The following MRC1 variants were observed in gnomAD, a reference collection of about 807,000 sequenced individuals.
MRC1 encodes mannose receptor C-type 1, also known as macrophage mannose receptor 1.
Under a neutral mutation model 102.9 loss-of-function variants are expected in MRC1, and 62 were observed. The ratio of observed to expected loss-of-function variants is 0.60; its 90% CI spans 0.49 to 0.74. The LOEUF (loss-of-function observed/expected upper bound fraction) is 0.74. Ranked by LOEUF, MRC1 falls within the 30% of genes least tolerant of loss-of-function variation. The pLI is 0.00. For synonymous variants in MRC1, 457 were observed against 298.4 expected (o/e 1.53, Z -5.48); for missense variants, 1,237 against 862.8 (o/e 1.43, Z -5.43).
Position 17,870,944 on chromosome 10 carries a change from T to G in MRC1, c.2199+9T>G, listed in dbSNP as rs2130676303. ...GGAGTGATGGTTCTCCTGTGAGTAA[T>G]TTTACTTACTATATAACTTTCTTAC... On this transcript the variant is annotated intron_variant, in intron 14 of 29. Transcript: ENST00000569591. 1 of 871,062 alleles carries G rather than the reference T, an allele frequency of 1.1e-6. No homozygotes were observed. Among genetic ancestry groups the G allele is most frequent in the East Asian group, 2.4e-5 (1 of 41,672 alleles). The allele number at this position is 871,062 out of a possible 1,614,324, so 54.0% of individuals were successfully genotyped here. A position where few individuals can be genotyped will look rare whatever the true frequency, so the allele number is the denominator to read the frequency against.
At chr10:17,869,430 G>A (rs1048773134) in intron 12 of MRC1, among the ~76,000 whole-genome samples, 1 of 152,086 alleles carries the variant, frequency 6.6e-6, no homozygotes, top group Admixed American at 6.5e-5. Context: ...TAGTGCCTTG[G>A]AAGCAAATTT....
intron 22 of MRC1, among the ~76,000 whole-genome samples, chr10:17,891,150 T>TATTG (rs1312514390): frequency 2.7e-5 from 4 of 148,396 alleles, no homozygotes; most frequent in African/African-American, 7.5e-5. Flanking sequence ...TTTATTTATT[T>TATTG]ATTTATTTAT....
At chr10:17,825,033 G>A (rs1838452341) in intron 2 of MRC1, among the ~76,000 whole-genome samples, 1 of 151,930 alleles carries the variant, frequency 6.6e-6, no homozygotes, top group South Asian at 2.1e-4. Context: ...TGAAGACCCG[G>A]GTGATTCTGT....
Position 17,872,193 on chromosome 10 carries a change from T to C in MRC1, c.2344+67T>C, listed in dbSNP as rs2130678007. On this transcript the variant is annotated intron_variant, in intron 15 of 29. Transcript: ENST00000569591. ...TAACCTCCTGACACCCCAGAATCTT[T>C]CCTTTATTAGCAGAAGCAAACAAAC... The C allele has an allele frequency of 5.1e-6, 4 of 778,546 alleles. No homozygotes were observed. In the East Asian group the frequency reaches 9.7e-5, roughly 19 times the overall value. The allele number at this position is 778,546 out of a possible 1,614,324, so 48.2% of individuals were successfully genotyped here.
At chr10:17,891,815 C>T (rs1833680644) in intron 22 of MRC1, among the ~76,000 whole-genome samples, 1 of 152,134 alleles carries the variant, frequency 6.6e-6, no homozygotes, top group African/African-American at 2.4e-5. Flanking sequence ...GAAATAATGT[C>T]AGAGAGGCAC....
rs200955948 is a variant in MRC1, at chr10:17,909,281, TA to T, written c.4079-22del. 4.5e-4 allele frequency: 380 copies of T among 847,422 alleles called. 1 individual carries two copies. The African/African-American group carries it at 5.5e-3, about 12-fold the overall frequency. The allele number at this position is 847,422 out of a possible 1,614,324, so 52.5% of individuals were successfully genotyped here. On this transcript the variant is annotated intron_variant, in intron 28 of 29. Coordinates refer to ENST00000569591, the MANE Select transcript of MRC1 (RefSeq NM_002438.4). ...TACCTGCAATTATTCTGGGTTTTTA[TA>T]AATTTTTTTTTTTTTACACACAGTT...
At chr10:17,899,827 G>A (rs1235417646) in intron 24 of MRC1, among the ~76,000 whole-genome samples, 2 of 151,980 alleles carry the variant, frequency 1.3e-5, no homozygotes, top group Non-Finnish European at 2.9e-5. Flanking sequence ...GGCCAGGCAC[G>A]GTGGCTCACG....
chr10:17,860,548 C>T (rs931634978), intron 9 of MRC1, among the ~76,000 whole-genome samples: 41 of 152,098 alleles, frequency 2.7e-4, no homozygotes, highest in African/African-American at 8.9e-4. Context: ...AAAGTGCTGG[C>T]GTTACAGGCA....
At chr10:17,879,861 G>A (rs1833489542) in intron 19 of MRC1, 40 bp downstream of exon 19, 1 of 780,670 alleles carries the variant, frequency 1.3e-6, no homozygotes, top group African/African-American at 1.7e-5. Context: ...TTGTGGCGTG[G>A]CGTGTCATTT....
chr10:17,856,501 C>T, intron 9 of MRC1, 149 bp downstream of exon 9: 1 of 654,906 alleles, frequency 1.5e-6, no homozygotes, highest in South Asian at 1.9e-5. Context: ...TAGTGTTGAT[C>T]TCACTGTTCT....
Position 17,827,585 on chromosome 10 carries a change from A to C in MRC1, c.507A>C (p.Ala169=). Residue 169 remains alanine, a synonymous_variant, in exon 3 of 30, where the codon GCA becomes GCC. Transcript: ENST00000569591. ...LLGNANGATC[A]FPFKFENKWY... ...GCAATGCCAATGGAGCAACCTGTGCATTCCCGTTCAAGTTTGAAAACAAGT... is the reference window on the plus strand; with the variant it reads ...GCAATGCCAATGGAGCAACCTGTGCCTTCCCGTTCAAGTTTGAAAACAAGT... The C allele has an allele frequency of 1.3e-6, 1 of 780,830 alleles. No homozygotes were observed. 48.4% of individuals were successfully genotyped at this position (780,830 alleles called of 1,614,324 possible).
chr10:17,815,572 C>T (rs1478220915), intron 1 of MRC1, among the ~76,000 whole-genome samples: 4 of 151,960 alleles, frequency 2.6e-5, no homozygotes, highest in South Asian at 4.2e-4. Context: ...GACTTGGGAG[C>T]GAATGGCCCC....
intron 1 of MRC1, among the ~76,000 whole-genome samples, chr10:17,812,282 T>C (rs1288363084): frequency 2.0e-5 from 3 of 152,076 alleles, no homozygotes; most frequent in African/African-American, 4.8e-5. Flanking sequence ...TCCAGCTCAG[T>C]TGGGTTATAA....
Position 17,809,436 on chromosome 10 carries a change from T to C in MRC1, c.-30T>C, listed in dbSNP as rs1838189234. On this transcript the variant is annotated 5_prime_UTR_variant, in exon 1 of 30. Transcript: ENST00000569591. ...CGTCTTAGTTCCGCCCTCCTGTCCA[T>C]CAGGAGAAGGAAAGGATAAACCCTG... 5.7e-6 allele frequency: 5 copies of C among 872,410 alleles called. No homozygotes were observed. The highest frequency in any genetic ancestry group is 5.1e-5 in the Admixed American group (3 of 59,134). 54.0% of individuals were successfully genotyped at this position (872,410 alleles called of 1,614,324 possible).
At chr10:17,908,515 T>C (rs1452953400) in intron 28 of MRC1, among the ~76,000 whole-genome samples, 1 of 152,082 alleles carries the variant, frequency 6.6e-6, no homozygotes, top group Non-Finnish European at 1.5e-5. Flanking sequence ...CTTCTCTAAC[T>C]GTTCTAAGAC....
chr10:17,823,642 T>C (rs1838431488), intron 2 of MRC1, among the ~76,000 whole-genome samples, 167 bp downstream of exon 2: 1 of 152,224 alleles, frequency 6.6e-6, no homozygotes, highest in South Asian at 2.1e-4. Context: ...GAGGACATGA[T>C]GGTGAATAAA....
Position 17,832,445 on chromosome 10 carries a change from C to G in MRC1, c.638-1230C>G, listed in dbSNP as rs1382344958. 2.0e-5 allele frequency among the ~76,000 whole-genome samples: 3 copies of G among 150,248 alleles called. No individual in the cohort carries two copies. In the East Asian group the frequency reaches 5.9e-4, roughly 30 times the overall value. On this transcript the variant is annotated intron_variant, in intron 3 of 29. Coordinates refer to ENST00000569591, the MANE Select transcript of MRC1 (RefSeq NM_002438.4). Reference sequence around the variant, plus strand: ...CGGCGTGTGCCTGTCGTCCCAGCTGCTGGGGAGGCTGAGGCAGGAGAATGG... The same window carrying G: ...CGGCGTGTGCCTGTCGTCCCAGCTGGTGGGGAGGCTGAGGCAGGAGAATGG...
chr10:17,888,779 G>A (rs1473292405), intron 22 of MRC1, among the ~76,000 whole-genome samples: 2 of 152,120 alleles, frequency 1.3e-5, no homozygotes, highest in African/African-American at 4.8e-5. Context: ...AATGAGATCT[G>A]GTTGATTGTT....
chr10:17,910,326 A>C lies in MRC1; in HGVS notation c.4232A>C (p.Tyr1411Ser). 1 of 780,834 alleles carries C rather than the reference A, an allele frequency of 1.3e-6. No individual in the cohort carries two copies. Among genetic ancestry groups the C allele is most frequent in the Non-Finnish European group, 2.4e-6 (1 of 417,944 alleles). The allele number at this position is 780,834 out of a possible 1,614,324, so 48.4% of individuals were successfully genotyped here. A position where few individuals can be genotyped will look rare whatever the true frequency, so the allele number is the denominator to read the frequency against. ...GCTGGCCTTGCCGCCTATTTCTTTT[A>C]TAAGAAAAGACGTGTGCACCTACCT... ...TGAGLAAYFF[Y>S]KKRRVHLPQE... The change falls in exon 30 of 30, where the codon TAT becomes TCT. Residue 1411 changes from tyrosine to serine, a missense_variant. Physicochemically the swap from Tyr to Ser is moderately radical, Grantham distance 144. Coordinates refer to ENST00000569591, the MANE Select transcript of MRC1 (RefSeq NM_002438.4).
Sources: gnomAD v4.1 joint callset for allele counts (sites outside exome capture counted in the v4.1 genomes callset) on GRCh38, gnomAD v4.1.1 for gene constraint, MANE v1.5 for transcripts, NCBI Gene and HGNC (gene_info 2026-07-23, HGNC 2026-07-21) for gene names.